Variants in PCBP3 observed in about 807,000 individuals in gnomAD.
PCBP3 encodes the protein poly(rC) binding protein 3, also known as poly(rC)-binding protein 3.
PCBP3 carries 25 observed loss-of-function variants against 52.7 expected under a neutral mutation model. The ratio of observed to expected loss-of-function variants is 0.47; its 90% confidence interval spans 0.35 to 0.66. The LOEUF (loss-of-function observed/expected upper bound fraction) is 0.66, where lower values mean the gene tolerates loss of function less well. Among genes scored for constraint, PCBP3 ranks in the 30% least tolerant of loss-of-function variants. The pLI is 0.01. For missense variants in PCBP3, 391 were observed against 490.3 expected (o/e 0.80, Z 1.91); for synonymous variants, 162 against 183.0 (o/e 0.89, Z 0.93).
intron 13 of PCBP3, among the ~76,000 whole-genome samples, chr21:45,923,622 G>A (rs1159500055): frequency 1.3e-5 from 2 of 152,242 alleles, no homozygotes; most frequent in Non-Finnish European, 2.9e-5. Flanking sequence ...GGAGGCCTGA[G>A]AAGGAAGAAC....
chr21:45,699,327 G>A (rs765376496), intron 2 of PCBP3, among the ~76,000 whole-genome samples: 5 of 152,102 alleles, frequency 3.3e-5, no homozygotes, highest in Non-Finnish European at 5.9e-5. Context: ...TGACTCCTGC[G>A]ATTGATTCTT....
At chr21:45,871,156 A>AC (rs2094992545) in intron 5 of PCBP3, 1 of 166,274 alleles carries the variant, frequency 6.0e-6, no homozygotes, top group African/African-American at 2.6e-5. Flanking sequence ...AGAGATGGGA[A>AC]CCCCCCAGGG....
In PCBP3 at chr21:45,684,055, C is replaced by CAAA. The variant is rs71334088; in HGVS notation, c.-200+15125_-200+15127dup. On this transcript the variant is annotated intron_variant, in intron 2 of 17. Coordinates refer to ENST00000681687, the MANE Select transcript of PCBP3 (RefSeq NM_001384156.1). Reference sequence around the variant, plus strand: ...CTGGTCAACATAGAACCCATCTCTACAAAAAAAAAAAAAAAAAAAAAAAAT... The same window carrying CAAA: ...CTGGTCAACATAGAACCCATCTCTACAAAAAAAAAAAAAAAAAAAAAAAAAAAT... Among the ~76,000 whole-genome samples the CAAA allele has an allele frequency of 2.7e-3, 213 of 77,598 alleles. 1 individual carries two copies. The highest frequency in any genetic ancestry group is 4.0e-3 in the Non-Finnish European group (149 of 37,066). The allele number at this position is 77,598 out of a possible 152,430, so 50.9% of individuals were successfully genotyped here.
At position 45,791,463 on chromosome 21, in the gene PCBP3, G is replaced by A. The variant is rs547919189; in HGVS notation, c.-126+36011G>A. 1.3e-5 allele frequency among the ~76,000 whole-genome samples: 2 copies of A among 152,072 alleles called. No homozygotes were observed. Among genetic ancestry groups the A allele is most frequent in the Non-Finnish European group, 2.9e-5 (2 of 68,012 alleles). ...GAGAGTGAGACTTTAATAGGGTGTGGCTTTTGTCAAGCAAGGACAAGGAAC... is the reference window on the plus strand; with the variant it reads ...GAGAGTGAGACTTTAATAGGGTGTGACTTTTGTCAAGCAAGGACAAGGAAC... On this transcript the variant is annotated intron_variant, in intron 4 of 17. Transcript: ENST00000681687. The surrounding 1 kb of genome is among the most constrained non-coding windows in gnomAD (Gnocchi z 4.2).
At chr21:45,776,112 A>G (rs1209307423) in intron 4 of PCBP3, among the ~76,000 whole-genome samples, 2 of 151,730 alleles carry the variant, frequency 1.3e-5, no homozygotes, top group African/African-American at 4.8e-5. Flanking sequence ...ATTTCCATCT[A>G]TTTGTGTAGT....
At chr21:45,879,822 A>G (rs192875923) in intron 5 of PCBP3, among the ~76,000 whole-genome samples, 53 of 152,218 alleles carry the variant, frequency 3.5e-4, no homozygotes, top group African/African-American at 1.3e-3. Flanking sequence ...AGAGAAATTT[A>G]TAGCATGACA....
chr21:45,895,629 C>T (rs970448195), intron 5 of PCBP3, among the ~76,000 whole-genome samples: 1 of 152,268 alleles, frequency 6.6e-6, no homozygotes, highest in Non-Finnish European at 1.5e-5. Flanking sequence ...CTGCAGACAG[C>T]ACTGTGTGCT....
At chr21:45,703,929 G>A (rs2083285767) in intron 2 of PCBP3, among the ~76,000 whole-genome samples, 1 of 152,150 alleles carries the variant, frequency 6.6e-6, no homozygotes, top group Admixed American at 6.5e-5. Flanking sequence ...GTCCTGTGGT[G>A]GATAGCAATG....
At chr21:45,732,003 C>T (rs1204599342) in intron 2 of PCBP3, among the ~76,000 whole-genome samples, 1 of 151,886 alleles carries the variant, frequency 6.6e-6, no homozygotes, top group Non-Finnish European at 1.5e-5. Flanking sequence ...TCCAGATTTC[C>T]TTCTGGTATT....
intron 1 of PCBP3, among the ~76,000 whole-genome samples, chr21:45,646,051 G>GTT (rs879362510): frequency 0.011 from 864 of 81,434 alleles, 3 homozygotes; most frequent in African/African-American, 0.032. Context: ...CGTGTCACCT[G>GTT]TTTCTCTCTC....
chr21:45,686,073 C>T (rs1203686377), intron 2 of PCBP3, among the ~76,000 whole-genome samples: 2 of 152,026 alleles, frequency 1.3e-5, no homozygotes, highest in African/African-American at 4.8e-5. Context: ...CATCTGCTAC[C>T]ACCTTGGCTA....
chr21:45,852,586 A>C (rs1246081017), intron 5 of PCBP3, among the ~76,000 whole-genome samples: 1 of 149,468 alleles, frequency 6.7e-6, no homozygotes, highest in Non-Finnish European at 1.5e-5. Context: ...CCCTGCAGCC[A>C]TGCTGATTTT....
chr21:45,796,469 G>A (rs2091924900), intron 4 of PCBP3, among the ~76,000 whole-genome samples: 1 of 152,078 alleles, frequency 6.6e-6, no homozygotes, highest in Non-Finnish European at 1.5e-5. Flanking sequence ...TCTTCTGTAT[G>A]TATCACTTCT....
chr21:45,826,183 G>A (rs983223616), intron 4 of PCBP3, among the ~76,000 whole-genome samples: 6 of 152,062 alleles, frequency 3.9e-5, no homozygotes, highest in South Asian at 4.1e-4. Context: ...GCTGGAACCC[G>A]GGAGGTGGAG....
Position 45,853,194 on chromosome 21 carries a change from A to G in PCBP3, c.10+3099A>G, listed in dbSNP as rs1191497566. ...GTGGTGACAAAATCTCCACGGGTTC[A>G]TGGAGACAGATGCACACAGCATCTC... On this transcript the variant is annotated intron_variant, in intron 5 of 17. Coordinates refer to ENST00000681687, the MANE Select transcript of PCBP3 (RefSeq NM_001384156.1). The surrounding 1 kb of genome is among the most constrained non-coding windows in gnomAD (Gnocchi z 4.6). 1.3e-5 allele frequency among the ~76,000 whole-genome samples: 2 copies of G among 152,188 alleles called. No homozygotes were observed. Among genetic ancestry groups the G allele is most frequent in the Admixed American group, 6.5e-5 (1 of 15,288 alleles).
At chr21:45,914,189 C>CAG in intron 12 of PCBP3, 164 bp downstream of exon 12, 1 of 1,198,546 alleles carries the variant, frequency 8.3e-7, no homozygotes, top group Middle Eastern at 2.0e-4. Context: ...ACCAGGCGGA[C>CAG]GCAGGGGGCC....
In PCBP3 at chr21:45,709,814, A is replaced by G. The variant is rs141280307; in HGVS notation, c.-199-25578A>G. Among the ~76,000 whole-genome samples, 258 of 152,274 alleles carry G rather than the reference A, an allele frequency of 1.7e-3. 3 individuals carry two copies. Among genetic ancestry groups the G allele is most frequent in the Non-Finnish European group, 2.2e-3 (152 of 68,008 alleles). On this transcript the variant is annotated intron_variant, in intron 2 of 17. Transcript: ENST00000681687. ...TCCAGGATCCTAGCCAAGATCCCAC[A>G]TTATATTTAATCATTGTGGTTCCTC...
In PCBP3 at chr21:45,737,113, G is replaced by A. The variant is rs2085932398; in HGVS notation, c.-162+1684G>A. Among the ~76,000 whole-genome samples the A allele has an allele frequency of 6.6e-6, 1 of 152,088 alleles. No homozygotes were observed. The highest frequency in any genetic ancestry group is 6.5e-5 in the Admixed American group (1 of 15,282). On this transcript the variant is annotated intron_variant, in intron 3 of 17. Transcript: ENST00000681687. The surrounding 1 kb of genome is among the most constrained non-coding windows in gnomAD (Gnocchi z 4.9). ...GTGAGGAGGCTGCGGGGCAGGAGGT[G>A]AGAGTGCCGCGGGTTAGGAGGTGAG... is the stretch of plus-strand genomic sequence containing the variant.
At chr21:45,644,954 T>C (rs1569068454) in intron 1 of PCBP3, among the ~76,000 whole-genome samples, 1 of 152,194 alleles carries the variant, frequency 6.6e-6, no homozygotes, top group Non-Finnish European at 1.5e-5. Context: ...CAAGGGTGCT[T>C]CCCTATTTAA....
Sources: allele counts gnomAD v4.1 joint callset (sites outside exome capture counted in the v4.1 genomes callset), GRCh38; gene constraint gnomAD v4.1.1; non-coding constraint Gnocchi (gnomAD v3.1); transcripts MANE v1.5; gene names NCBI Gene and HGNC (gene_info 2026-07-23, HGNC 2026-07-21).